Variants in NCOA1 observed in about 807,000 individuals in gnomAD.
NCOA1 encodes the protein nuclear receptor coactivator 1, also known as Hin-2 protein.
A neutral mutation model predicts 150.9 loss-of-function variants in NCOA1; 35 were observed. That is an observed-to-expected ratio of 0.23 (90% confidence interval 0.18 to 0.31). NCOA1 has a LOEUF of 0.31. Among genes scored for constraint, NCOA1 ranks in the 10% least tolerant of loss-of-function variants. The probability of loss-of-function intolerance (pLI) is 1.00; values close to 1 mark genes in which losing one functional copy is unlikely to be tolerated. For synonymous variants in NCOA1, 590 were observed against 630.0 expected, an observed-to-expected ratio of 0.94 and a Z score of 0.95; for missense variants, 1,491 against 1,749.3, an observed-to-expected ratio of 0.85 and a Z score of 2.63.
chr2:24,581,746 A>G (rs1044285195), intron 2 of NCOA1, among the ~76,000 whole-genome samples: 2 of 152,204 alleles, frequency 1.3e-5, no homozygotes, highest in African/African-American at 4.8e-5. Flanking sequence ...ATCCAACAGC[A>G]CATCAAAAAG....
At chr2:24,646,665 A>G (rs185876129) in intron 4 of NCOA1, among the ~76,000 whole-genome samples, 2 of 150,636 alleles carry the variant, frequency 1.3e-5, no homozygotes, top group East Asian at 3.9e-4. Flanking sequence ...AAAGGCTGTG[A>G]TAGGGGATGG....
At chr2:24,734,474 G>A (rs1235059851) in intron 17 of NCOA1, among the ~76,000 whole-genome samples, 1 of 152,154 alleles carries the variant, frequency 6.6e-6, no homozygotes, top group South Asian at 2.1e-4. Context: ...TTGCTCTACC[G>A]ATATCAAGAT....
chr2:24,536,918 A>G (rs922320561), intron 1 of NCOA1, among the ~76,000 whole-genome samples: 1 of 151,936 alleles, frequency 6.6e-6, no homozygotes, highest in Admixed American at 6.6e-5. Flanking sequence ...GAGCTAAGCT[A>G]TGGGTACACA....
intron 20 of NCOA1, among the ~76,000 whole-genome samples, chr2:24,756,948 C>T (rs1664535260): frequency 6.6e-6 from 1 of 152,138 alleles, no homozygotes; most frequent in Non-Finnish European, 1.5e-5. Flanking sequence ...ATGTATTTTG[C>T]TTCCTAGAAA....
chr2:24,667,492 G>GA (rs376408805), intron 6 of NCOA1, among the ~76,000 whole-genome samples: 47 of 151,866 alleles, frequency 3.1e-4, no homozygotes, highest in African/African-American at 1.1e-3. Flanking sequence ...CAAACAAACA[G>GA]AAAAAAGGGA....
chr2:24,495,940 TTCA>T (rs1415924633), intron 1 of NCOA1, among the ~76,000 whole-genome samples: 1 of 152,232 alleles, frequency 6.6e-6, no homozygotes, highest in Non-Finnish European at 1.5e-5. Context: ...CATTAGCGAA[TTCA>T]TCACCAAATT....
chr2:24,565,799 C>A (rs1371422124), intron 2 of NCOA1, among the ~76,000 whole-genome samples: 1 of 152,070 alleles, frequency 6.6e-6, no homozygotes, highest in East Asian at 1.9e-4. Flanking sequence ...TGTGGCGGGG[C>A]AGGCAGCTCC....
intron 4 of NCOA1, among the ~76,000 whole-genome samples, chr2:24,656,793 T>A (rs56337724): frequency 0.065 from 9,974 of 152,298 alleles, 362 homozygotes; most frequent in Non-Finnish European, 0.08. Flanking sequence ...ATAACAAGAT[T>A]TCATTCTTTT....
intron 2 of NCOA1, among the ~76,000 whole-genome samples, chr2:24,572,669 C>T (rs74375565): frequency 9.2e-5 from 14 of 152,244 alleles, no homozygotes; most frequent in African/African-American, 2.2e-4. Context: ...TCTCTCCACC[C>T]GAGCTGCACC....
chr2:24,711,621 T>A (rs1259860936), intron 14 of NCOA1: 1 of 152,286 alleles, frequency 6.6e-6, no homozygotes, highest in East Asian at 1.9e-4. Flanking sequence ...CTTTCCTGAT[T>A]ATGGAATTTC....
chr2:24,705,010 G>C, intron 11 of NCOA1, 76 bp from the exon 12 acceptor site: 1 of 1,486,560 alleles, frequency 6.7e-7, no homozygotes. Flanking sequence ...GTTCTAAGTA[G>C]AAATAAAACC....
intron 3 of NCOA1, among the ~76,000 whole-genome samples, chr2:24,621,530 G>A (rs953751703): frequency 2.2e-5 from 3 of 136,000 alleles, no homozygotes; most frequent in African/African-American, 8.2e-5. Context: ...GCAATGGTGC[G>A]ATCTCAGCTC....
chr2:24,503,076 A>G (rs1436836169), intron 1 of NCOA1, among the ~76,000 whole-genome samples: 2 of 152,230 alleles, frequency 1.3e-5, no homozygotes, highest in African/African-American at 4.8e-5. Context: ...AGTCATATTG[A>G]TTAAAGCATA....
In NCOA1 at chr2:24,757,984, A is replaced by C. The variant is rs755195457; in HGVS notation, c.3893A>C (p.Gln1298Pro). ...GAIGNNNVFS[Q>P]AVQNQPTPAQ... ...TTTTGAGTTTACAGTGTGTTCAGTC[A>C]AGCTGTCCAGAACCAGCCCACGCCT... Residue 1298 changes from glutamine (Q) to proline (P), a missense_variant, in exon 21 of 23, where the codon CAA (glutamine) becomes CCA (proline). Around this residue, in one of 8 missense-constraint regions of NCOA1, gnomAD observed 485 missense variants for 522.8 expected, o/e 0.93. Transcript: ENST00000348332. 1.2e-6 allele frequency: 2 copies of C among 1,613,608 alleles called. No homozygotes were observed. The highest frequency in any genetic ancestry group is 1.7e-5 in the Admixed American group (1 of 59,902).
rs539932168 is a variant in NCOA1 at position 24,543,606 on chromosome 2, C to T, written c.-395-20689C>T. 4.6e-5 allele frequency among the ~76,000 whole-genome samples: 7 copies of T among 151,860 alleles called. No individual in the cohort carries two copies. The South Asian group carries it at 1.5e-3, about 32-fold the overall frequency. On this transcript the variant is annotated intron_variant, in intron 1 of 22. Coordinates refer to ENST00000348332, the MANE Select transcript of NCOA1 (RefSeq NM_003743.5). ...GATGGACCACATAATTGAATGTGAG[C>T]GTAGAACAGGAGCACTTAACCTAGA...
chr2:24,533,360 G>T (rs1664981276), intron 1 of NCOA1, among the ~76,000 whole-genome samples: 1 of 152,170 alleles, frequency 6.6e-6, no homozygotes, highest in Non-Finnish European at 1.5e-5. Flanking sequence ...AGACGATGCG[G>T]TTTTCTAAAT....
chr2:24,526,979 A>G (rs1374414923), intron 1 of NCOA1, among the ~76,000 whole-genome samples: 1 of 152,228 alleles, frequency 6.6e-6, no homozygotes, highest in Non-Finnish European at 1.5e-5. Flanking sequence ...TATATAGGAC[A>G]ATATGCATAG....
At chr2:24,754,336 A>G (rs532749194) in intron 20 of NCOA1, among the ~76,000 whole-genome samples, 1 of 152,252 alleles carries the variant, frequency 6.6e-6, no homozygotes, top group South Asian at 2.1e-4. Context: ...GGGCCCGTAA[A>G]ACCCCACATC....
At chr2:24,765,896 C>CCTTTTTTTTTTTTTTTTTT (rs1665035979) in intron 22 of NCOA1, among the ~76,000 whole-genome samples, 1 of 128,036 alleles carries the variant, frequency 7.8e-6, no homozygotes, top group Non-Finnish European at 1.6e-5. Context: ...CAATAATACA[C>CCTTTTTTTTTTTTTTTTTT]TTTTTTTTTT....
Sources: gnomAD v4.1 joint callset for allele counts (sites outside exome capture counted in the v4.1 genomes callset) on GRCh38, gnomAD v4.1.1 for gene constraint, gnomAD v4.1.1 regional missense constraint, MANE v1.5 for transcripts, NCBI Gene and HGNC (gene_info 2026-07-23, HGNC 2026-07-21) for gene names.